CFAP299: variants seen among roughly 807,000 people sequenced by gnomAD.
CFAP299 encodes cilia- and flagella-associated protein 299.
A neutral mutation model predicts 27.0 loss-of-function variants in CFAP299; 21 were observed. That is an observed-to-expected ratio of 0.78 (90% confidence interval 0.55 to 1.12). CFAP299 has a LOEUF of 1.12. Among genes scored for constraint, CFAP299 ranks in the 50% most tolerant of loss-of-function variants. CFAP299 has a pLI of 0.00. For synonymous variants in CFAP299, 104 were observed against 98.1 expected (o/e 1.06, Z -0.36); for missense variants, 310 against 276.6 (o/e 1.12, Z -0.86).
At chr4:80,482,974 T>C (rs2110129378) in intron 2 of CFAP299, among the ~76,000 whole-genome samples, 1 of 152,332 alleles carries the variant, frequency 6.6e-6, no homozygotes, top group South Asian at 2.1e-4. Context: ...TCCTAATCCC[T>C]GGAACCTGTG....
chr4:80,402,417 C>T (rs767372463), intron 2 of CFAP299, among the ~76,000 whole-genome samples: 3 of 152,066 alleles, frequency 2.0e-5, no homozygotes, highest in Admixed American at 6.6e-5. Flanking sequence ...CTCATGATAG[C>T]GAATAAGTAT....
chr4:80,769,321 A>C (rs557449709), intron 3 of CFAP299, among the ~76,000 whole-genome samples: 1 of 152,186 alleles, frequency 6.6e-6, no homozygotes. Context: ...ACTAAAGGTG[A>C]CATGGCTCGT....
intron 3 of CFAP299, among the ~76,000 whole-genome samples, chr4:80,584,111 G>A (rs1736311864): frequency 6.6e-6 from 1 of 151,934 alleles, no homozygotes; most frequent in Admixed American, 6.6e-5. Flanking sequence ...TTTCTTGTAG[G>A]AAGTAGGCTG....
intron 3 of CFAP299, among the ~76,000 whole-genome samples, chr4:80,731,983 G>T (rs1001134547): frequency 2.0e-5 from 3 of 151,792 alleles, no homozygotes; most frequent in Middle Eastern, 3.2e-3. Flanking sequence ...AGCATCCATA[G>T]AATTTTGTCC....
intron 3 of CFAP299, among the ~76,000 whole-genome samples, chr4:80,852,239 T>C (rs1437818662): frequency 6.6e-6 from 1 of 152,180 alleles, no homozygotes; most frequent in African/African-American, 2.4e-5. Flanking sequence ...ATTCCCTTGA[T>C]CAGCAGAATC....
At chr4:80,686,834 G>A (rs560024101) in intron 3 of CFAP299, among the ~76,000 whole-genome samples, 6 of 152,232 alleles carry the variant, frequency 3.9e-5, no homozygotes, top group East Asian at 3.9e-4. Flanking sequence ...TGGCATGTGC[G>A]TGGTATAACA....
chr4:80,473,505 T>C (rs1189089829), intron 2 of CFAP299, among the ~76,000 whole-genome samples: 2 of 151,976 alleles, frequency 1.3e-5, no homozygotes, highest in East Asian at 3.9e-4. Flanking sequence ...TCATGAAGTA[T>C]GTCTTTTATT....
rs137959445 is a variant in CFAP299 at position 80,433,842 on chromosome 4, A to G, written c.242+70958A>G. Among the ~76,000 whole-genome samples the G allele has an allele frequency of 6.1e-4, 93 of 152,248 alleles. 1 individual carries two copies. The East Asian group carries it at 0.015, about 25-fold the overall frequency. ...ATTTGGAAAAGTTTATTTTCTCTAC[A>G]CTCACTGGGAATTTTGTAACCAGTA... On this transcript the variant is annotated intron_variant, in intron 2 of 5. Coordinates refer to ENST00000358105, the MANE Select transcript of CFAP299 (RefSeq NM_152770.3).
At chr4:80,390,685 A>ATATATGT (rs1725338561) in intron 2 of CFAP299, among the ~76,000 whole-genome samples, 1 of 146,142 alleles carries the variant, frequency 6.8e-6, no homozygotes, top group Admixed American at 6.9e-5. Context: ...ATGTATACAC[A>ATATATGT]CATATATGTG....
intron 2 of CFAP299, among the ~76,000 whole-genome samples, chr4:80,391,131 A>G (rs1290998447): frequency 1.3e-5 from 2 of 152,054 alleles, no homozygotes; most frequent in East Asian, 3.9e-4. Context: ...CTATTGATGG[A>G]CACTTAGGTT....
At chr4:80,931,145 A>AAGTGAGTG (rs3038546) in intron 4 of CFAP299, among the ~76,000 whole-genome samples, 2,992 of 135,146 alleles carry the variant, frequency 0.022, 81 homozygotes, top group Admixed American at 0.054. Flanking sequence ...ACATAATAAT[A>AAGTGAGTG]AGTGAGTGAG....
At chr4:80,866,059 T>TTATATATATATATATATATATATATATA (rs70956073) in intron 3 of CFAP299, among the ~76,000 whole-genome samples, 1 of 58,382 alleles carries the variant, frequency 1.7e-5, no homozygotes, top group Non-Finnish European at 4.5e-5. Flanking sequence ...ACTTAAAGTA[T>TTATATATATATATATATATATATATATA]TATATATATA....
At chr4:80,579,382 T>A (rs762739843) in intron 2 of CFAP299, among the ~76,000 whole-genome samples, 28 of 152,210 alleles carry the variant, frequency 1.8e-4, no homozygotes, top group Middle Eastern at 3.2e-3. Flanking sequence ...GTGGTCTTTA[T>A]TCCAGGCTGC....
chr4:80,436,047 G>T (rs1728054456), intron 2 of CFAP299, among the ~76,000 whole-genome samples: 1 of 152,128 alleles, frequency 6.6e-6, no homozygotes, highest in Non-Finnish European at 1.5e-5. Flanking sequence ...TGACAAATAT[G>T]CTCCATGTAA....
chr4:80,728,915 A>G (rs970743602), intron 3 of CFAP299, among the ~76,000 whole-genome samples: 2 of 152,164 alleles, frequency 1.3e-5, no homozygotes, highest in Non-Finnish European at 2.9e-5. Flanking sequence ...CTTTGCACCA[A>G]TGATATCATC....
intron 3 of CFAP299, among the ~76,000 whole-genome samples, chr4:80,736,937 G>C (rs201994775): frequency 0.05 from 7,679 of 152,148 alleles, 315 homozygotes; most frequent in East Asian, 0.22. Flanking sequence ...TGATAGACTG[G>C]ATTAAGAAAA....
At chr4:80,686,771 A>G (rs1051642807) in intron 3 of CFAP299, among the ~76,000 whole-genome samples, 2 of 152,226 alleles carry the variant, frequency 1.3e-5, no homozygotes, top group African/African-American at 4.8e-5. Flanking sequence ...GAATGAAAAT[A>G]TGGACAAATT....
intron 5 of CFAP299, among the ~76,000 whole-genome samples, chr4:80,959,205 A>G (rs541746310): frequency 6.6e-6 from 1 of 152,146 alleles, no homozygotes; most frequent in Non-Finnish European, 1.5e-5. Flanking sequence ...CAAAAAATGG[A>G]TGAAAATAAT....
At chr4:80,359,719 G>A (rs998019349) in intron 1 of CFAP299, among the ~76,000 whole-genome samples, 2 of 152,140 alleles carry the variant, frequency 1.3e-5, no homozygotes, top group Non-Finnish European at 2.9e-5. Context: ...GTCAGCACCT[G>A]CATTGTTTTA....
Sources: gnomAD v4.1 joint callset for allele counts (sites outside exome capture counted in the v4.1 genomes callset) on GRCh38, gnomAD v4.1.1 for gene constraint, MANE v1.5 for transcripts, NCBI Gene and HGNC (gene_info 2026-07-23, HGNC 2026-07-21) for gene names.